HNMT: variants seen among roughly 807,000 people sequenced by gnomAD.
The protein encoded by HNMT is histamine N-methyltransferase.
HNMT carries 30 observed loss-of-function variants against 32.1 expected under a neutral mutation model. That is an observed-to-expected ratio of 0.93 (90% CI 0.70 to 1.27). The LOEUF is 1.27. Among genes scored for constraint, HNMT ranks in the 50% most tolerant of loss-of-function variants. The pLI is 0.00. For synonymous variants in HNMT, 125 were observed against 119.0 expected, an observed-to-expected ratio of 1.05 and a Z score of -0.33; for missense variants, 327 against 346.0, an observed-to-expected ratio of 0.95 and a Z score of 0.43.
intron 2 of HNMT, among the ~76,000 whole-genome samples, chr2:137,971,027 T>G (rs894076224): frequency 7.9e-5 from 12 of 151,650 alleles, no homozygotes; most frequent in African/African-American, 2.7e-4. Context: ...ATTGAGAAAG[T>G]CTCACCATGG....
In HNMT at chr2:138,014,004, T is replaced by C. The variant is rs370389593; in HGVS notation, c.753T>C (p.Asn251=). ...WDFLTETCNF[N]ATAPPDLRAE... Reference sequence around the variant, plus strand: ...TTTTGACTGAAACCTGCAACTTTAATGCCACAGCACCACCTGATCTCAGAG... The same window carrying C: ...TTTTGACTGAAACCTGCAACTTTAACGCCACAGCACCACCTGATCTCAGAG... The change falls in exon 6 of 6, where the codon AAT becomes AAC. Residue 251 remains asparagine (N), a synonymous_variant. Transcript: ENST00000280097. The C allele has an allele frequency of 1.2e-6, 2 of 1,613,662 alleles. No homozygotes were observed. The highest frequency in any genetic ancestry group is 1.7e-6 in the Non-Finnish European group (2 of 1,179,790).
chr2:138,010,631 A>T (rs575526590), intron 5 of HNMT, among the ~76,000 whole-genome samples: 1 of 152,124 alleles, frequency 6.6e-6, no homozygotes, highest in South Asian at 2.1e-4. Flanking sequence ...CTTGATGGAA[A>T]TCAACCTTTC....
intron 2 of HNMT, among the ~76,000 whole-genome samples, chr2:137,984,507 A>T (rs1199052932): frequency 6.6e-6 from 1 of 152,200 alleles, no homozygotes; most frequent in East Asian, 1.9e-4. Flanking sequence ...CTTTTTAAGA[A>T]ATTATCTCTA....
At chr2:138,011,338 T>A (rs536219434) in intron 5 of HNMT, among the ~76,000 whole-genome samples, 1 of 152,256 alleles carries the variant, frequency 6.6e-6, no homozygotes, top group African/African-American at 2.4e-5. Context: ...AAAAGATTTT[T>A]AAATAAATAC....
intron 2 of HNMT, among the ~76,000 whole-genome samples, chr2:137,994,082 A>G (rs1680908817): frequency 6.6e-6 from 1 of 152,194 alleles, no homozygotes; most frequent in African/African-American, 2.4e-5. Flanking sequence ...AAATATAAAG[A>G]CCAATGACAC....
At position 138,014,068 on chromosome 2, in the gene HNMT, G is replaced by A. The variant is rs771396266; in HGVS notation, c.817G>A (p.Ala273Thr). 3 of 1,611,684 alleles carry A rather than the reference G, an allele frequency of 1.9e-6. No homozygotes were observed. Among genetic ancestry groups the A allele is most frequent in the Admixed American group, 3.3e-5 (2 of 59,802 alleles). Residue 273 changes from alanine (A) to threonine (T), a missense_variant, in exon 6 of 6, where the codon GCT becomes ACT. Physicochemically the swap from Ala to Thr is moderately conservative, Grantham distance 58 (BLOSUM62 0). Transcript: ENST00000280097. ...AGATCTACAAGAGCCTGAATTTAGT[G>A]CTAAGAAAGAGGGGAAGGTTCTTTT... ...GKDLQEPEFS[A>T]KKEGKVLFNN...
At chr2:137,991,571 C>T (rs1304393259) in intron 2 of HNMT, among the ~76,000 whole-genome samples, 2 of 152,042 alleles carry the variant, frequency 1.3e-5, no homozygotes, top group Non-Finnish European at 2.9e-5. Flanking sequence ...TAATAAAAGA[C>T]TATTAACAAG....
Position 137,975,972 on chromosome 2 carries a change from G to A in HNMT, c.190+5755G>A, listed in dbSNP as rs367804814. Among the ~76,000 whole-genome samples, 4 of 152,286 alleles carry A rather than the reference G, an allele frequency of 2.6e-5. No homozygotes were observed. In the East Asian group the frequency reaches 7.7e-4, roughly 29 times the overall value. On this transcript the variant is annotated intron_variant, in intron 2 of 5. Transcript: ENST00000280097. Reference sequence around the variant, plus strand: ...TCAGAGAGTGATTTCTTGGCTCAGTGTAAGAGCCTGTTGGCTGGGCCTGGT... The same window carrying A: ...TCAGAGAGTGATTTCTTGGCTCAGTATAAGAGCCTGTTGGCTGGGCCTGGT...
rs181406442 is a variant in HNMT at position 138,008,224 on chromosome 2, A to G, written c.523+2999A>G. Among the ~76,000 whole-genome samples the G allele has an allele frequency of 1.6e-3, 237 of 152,024 alleles. 1 individual carries two copies. Among genetic ancestry groups the G allele is most frequent in the South Asian group, 2.3e-3 (11 of 4,808 alleles). On this transcript the variant is annotated intron_variant, in intron 5 of 5. Coordinates refer to ENST00000280097, the MANE Select transcript of HNMT (RefSeq NM_006895.3). ...TCTCATCATTTAGCTCCCACTTATA[A>G]TTGAGAACATGCGGTATTTGGTTTT...
intron 5 of HNMT, among the ~76,000 whole-genome samples, chr2:138,011,748 A>G (rs1681510175): frequency 1.3e-5 from 2 of 152,116 alleles, no homozygotes; most frequent in South Asian, 2.1e-4. Context: ...TGTCTCTTAT[A>G]TTGCTTTTGC....
At chr2:137,987,774 A>G (rs1680692600) in intron 2 of HNMT, among the ~76,000 whole-genome samples, 1 of 152,184 alleles carries the variant, frequency 6.6e-6, no homozygotes, top group African/African-American at 2.4e-5. Flanking sequence ...ACTTGTTGGA[A>G]GCAAGCCTTT....
In HNMT at chr2:137,974,573, G is replaced by A. The variant is rs116813915; in HGVS notation, c.190+4356G>A. Among the ~76,000 whole-genome samples the A allele has an allele frequency of 5.9e-3, 900 of 152,212 alleles. 8 individuals are homozygous for A. Among genetic ancestry groups the A allele is most frequent in the African/African-American group, 0.021 (863 of 41,528 alleles). On this transcript the variant is annotated intron_variant, in intron 2 of 5. Transcript: ENST00000280097. Reference sequence around the variant, plus strand: ...TCCAGAAAGCAGTCACGGCCAATGTGTTCTCCTTGCTCTGGGCTCTGCTTA... The same window carrying A: ...TCCAGAAAGCAGTCACGGCCAATGTATTCTCCTTGCTCTGGGCTCTGCTTA...
intron 1 of HNMT, among the ~76,000 whole-genome samples, chr2:137,964,849 G>A (rs923891325): frequency 2.6e-5 from 4 of 152,156 alleles, no homozygotes; most frequent in Admixed American, 2.6e-4. Context: ...CATTTGTGTT[G>A]TATTTCCAGC....
intron 5 of HNMT, among the ~76,000 whole-genome samples, chr2:138,011,427 T>C (rs1681500317): frequency 6.6e-6 from 1 of 152,142 alleles, no homozygotes; most frequent in Non-Finnish European, 1.5e-5. Flanking sequence ...TCCTAGAGCA[T>C]ATCCTGCAGT....
intron 2 of HNMT, chr2:137,981,382 C>A (rs777213000): frequency 6.2e-7 from 1 of 1,608,682 alleles, no homozygotes; most frequent in East Asian, 2.2e-5. Context: ...TTCCCTCATT[C>A]CTAGTTTCCT....
chr2:137,998,771 C>T (rs1315124691), intron 2 of HNMT, among the ~76,000 whole-genome samples: 1 of 152,182 alleles, frequency 6.6e-6, no homozygotes, highest in African/African-American at 2.4e-5. Flanking sequence ...TGGAGGAGAG[C>T]TCATCAAGCC....
rs142149165 is a variant in HNMT at position 138,014,402 on chromosome 2, A to G, written c.*272A>G. ...AATTAGATGACTGAATTTCTATGGC[A>G]TATTGATAATAAAATTCATTCCATT... On this transcript the variant is annotated 3_prime_UTR_variant, in exon 6 of 6. Coordinates refer to ENST00000280097, the MANE Select transcript of HNMT (RefSeq NM_006895.3). 74 of 303,424 alleles carry G rather than the reference A, an allele frequency of 2.4e-4. No individual in the cohort carries two copies. In the East Asian group the frequency reaches 3.9e-3, roughly 16 times the overall value. The allele number at this position is 303,424 out of a possible 1,614,324, so 18.8% of individuals were successfully genotyped here. A position where few individuals can be genotyped will look rare whatever the true frequency, so the allele number is the denominator to read the frequency against.
chr2:138,007,683 G>T (rs898365977), intron 5 of HNMT, among the ~76,000 whole-genome samples: 1 of 151,916 alleles, frequency 6.6e-6, no homozygotes, highest in East Asian at 1.9e-4. Context: ...CCCAAATCTT[G>T]CATGTGCTGC....
At position 138,014,009 on chromosome 2, in the gene HNMT, C is replaced by T. The variant is rs780029697; in HGVS notation, c.758C>T (p.Thr253Ile). Residue 253 changes from threonine to isoleucine, a missense_variant, in exon 6 of 6, where the codon ACA (threonine) becomes ATA (isoleucine). By Grantham distance (89) the Thr-to-Ile change is moderately conservative. Coordinates refer to ENST00000280097, the MANE Select transcript of HNMT (RefSeq NM_006895.3). ...FLTETCNFNA[T>I]APPDLRAELG... ...ACTGAAACCTGCAACTTTAATGCCA[C>T]AGCACCACCTGATCTCAGAGCAGAG... 1.2e-6 allele frequency: 2 copies of T among 1,613,668 alleles called. No individual in the cohort carries two copies. The highest frequency in any genetic ancestry group is 1.1e-5 in the South Asian group (1 of 91,060).
Sources: allele counts gnomAD v4.1 joint callset (sites outside exome capture counted in the v4.1 genomes callset), GRCh38; gene constraint gnomAD v4.1.1; transcripts MANE v1.5; gene names NCBI Gene and HGNC (gene_info 2026-07-23, HGNC 2026-07-21).